The following SGCZ variants were observed in gnomAD, a reference collection of about 807,000 sequenced individuals.
SGCZ encodes the protein sarcoglycan zeta.
SGCZ carries 40 observed loss-of-function variants against 41.3 expected under a neutral mutation model. That is an observed-to-expected ratio of 0.97 (90% confidence interval 0.75 to 1.26). The LOEUF (loss-of-function observed/expected upper bound fraction) is 1.26, where lower values mean the gene tolerates loss of function less well. Ranked by LOEUF, SGCZ falls within the 50% of genes most tolerant of loss-of-function variation. The pLI, the probability that SGCZ is intolerant of heterozygous loss-of-function variation, is 0.00. For missense variants in SGCZ, 552 were observed against 369.8 expected (o/e 1.49, Z -4.04); for synonymous variants, 206 against 137.5 (o/e 1.50, Z -3.49).
chr8:14,404,603 T>G (rs1799161697), intron 2 of SGCZ, among the ~76,000 whole-genome samples: 1 of 152,192 alleles, frequency 6.6e-6, no homozygotes, highest in African/African-American at 2.4e-5. Flanking sequence ...TCTACCTGAT[T>G]GGGTGACACT....
intron 1 of SGCZ, among the ~76,000 whole-genome samples, chr8:14,778,795 A>G (rs1206824549): frequency 6.6e-6 from 1 of 152,214 alleles, no homozygotes; most frequent in Non-Finnish European, 1.5e-5. Flanking sequence ...TGCACATTTG[A>G]TTGGGATAAA....
chr8:14,844,427 A>G (rs1803032153), intron 1 of SGCZ, among the ~76,000 whole-genome samples: 1 of 152,170 alleles, frequency 6.6e-6, no homozygotes, highest in South Asian at 2.1e-4. Context: ...TTGTGTTACA[A>G]CTATGATTTC....
At chr8:14,246,435 G>A (rs1254191814) in intron 3 of SGCZ, among the ~76,000 whole-genome samples, 5 of 151,810 alleles carry the variant, frequency 3.3e-5, no homozygotes, top group Non-Finnish European at 7.4e-5. Context: ...ATGACACTCT[G>A]GGGACTGTTG....
chr8:14,730,606 T>C (rs1019772170), intron 1 of SGCZ, among the ~76,000 whole-genome samples: 2 of 151,818 alleles, frequency 1.3e-5, no homozygotes, highest in Admixed American at 1.3e-4. Context: ...TAACATCAGG[T>C]TCTGCTTGAA....
intron 1 of SGCZ, among the ~76,000 whole-genome samples, chr8:14,852,054 T>C (rs1484596903): frequency 3.9e-5 from 6 of 152,176 alleles, no homozygotes; most frequent in African/African-American, 9.6e-5. Flanking sequence ...AAAGATTCCA[T>C]TGTTTTCATT....
chr8:14,104,287 A>C (rs13276095), intron 6 of SGCZ, among the ~76,000 whole-genome samples: 1,702 of 152,274 alleles, frequency 0.011, 16 homozygotes, highest in Middle Eastern at 0.031. Flanking sequence ...ACTGGCTTTC[A>C]CAGTGGGTAC....
intron 1 of SGCZ, among the ~76,000 whole-genome samples, chr8:14,755,266 G>A (rs1052449826): frequency 4.6e-5 from 7 of 151,634 alleles, no homozygotes; most frequent in African/African-American, 1.7e-4. Context: ...CTGTTTGTTT[G>A]CGGCTGTAGT....
intron 2 of SGCZ, among the ~76,000 whole-genome samples, chr8:14,346,812 T>A (rs1197065165): frequency 6.6e-6 from 1 of 152,154 alleles, no homozygotes; most frequent in East Asian, 1.9e-4. Flanking sequence ...GATACATAAA[T>A]ATTTGTGTGC....
At chr8:15,159,722 CTCGCCCCCGCCCCCCCCA>C (rs1799447822) in intron 1 of SGCZ, among the ~76,000 whole-genome samples, 1 of 28,726 alleles carries the variant, frequency 3.5e-5, no homozygotes, top group South Asian at 2.3e-3. Flanking sequence ...TCCCCCCTCC[CTCGCCCCCGCCCCCCCCA>C]CCCTCCCCCC....
intron 1 of SGCZ, among the ~76,000 whole-genome samples, chr8:15,062,693 G>A (rs1804981508): frequency 6.6e-6 from 1 of 152,108 alleles, no homozygotes. Context: ...AGATAAAGCA[G>A]TTATTTTGAG....
intron 1 of SGCZ, among the ~76,000 whole-genome samples, chr8:14,910,450 T>C (rs1799250433): frequency 6.6e-6 from 1 of 151,920 alleles, no homozygotes; most frequent in Non-Finnish European, 1.5e-5. Context: ...CTTACTAAAT[T>C]TATTAAATCT....
At chr8:14,988,233 A>C (rs1239400166) in intron 1 of SGCZ, among the ~76,000 whole-genome samples, 1 of 149,738 alleles carries the variant, frequency 6.7e-6, no homozygotes, top group Non-Finnish European at 1.5e-5. Flanking sequence ...AATCATATCC[A>C]ATATAAAGGT....
intron 1 of SGCZ, among the ~76,000 whole-genome samples, chr8:14,717,109 T>C (rs1283601240): frequency 6.6e-6 from 1 of 152,090 alleles, no homozygotes; most frequent in Non-Finnish European, 1.5e-5. Flanking sequence ...TGAAATTCAA[T>C]AGTGTAAAAA....
At chr8:14,473,885 C>T (rs1801282769) in intron 2 of SGCZ, among the ~76,000 whole-genome samples, 1 of 150,954 alleles carries the variant, frequency 6.6e-6, no homozygotes, top group African/African-American at 2.4e-5. Context: ...TTGCAGTGAG[C>T]CAAGATCACA....
rs534719766 is a variant in SGCZ, at chr8:14,123,621, T to TAACA, written c.548-15390_548-15387dup. 1.8e-3 allele frequency among the ~76,000 whole-genome samples: 276 copies of TAACA among 152,266 alleles called. 1 individual carries two copies. The highest frequency in any genetic ancestry group is 6.4e-3 in the African/African-American group (264 of 41,572). ...TCTCTGTAGCAATGCAAAAACAGAC[T>TAACA]AACATAGTAGGAAACTATTGCTTCT... On this transcript the variant is annotated intron_variant, in intron 5 of 7. Transcript: ENST00000382080.
At chr8:14,094,359 C>A (rs1286358581) in intron 7 of SGCZ, among the ~76,000 whole-genome samples, 1 of 151,898 alleles carries the variant, frequency 6.6e-6, no homozygotes, top group Non-Finnish European at 1.5e-5. Flanking sequence ...TCTCATTGTT[C>A]AACTCCCAAT....
At chr8:14,566,033 A>T (rs185270175) in intron 1 of SGCZ, among the ~76,000 whole-genome samples, 1 of 152,214 alleles carries the variant, frequency 6.6e-6, no homozygotes, top group South Asian at 2.1e-4. Context: ...GCTTTGGGTT[A>T]TCTCACTTAT....
chr8:14,623,498 C>T (rs1456008048), intron 1 of SGCZ, among the ~76,000 whole-genome samples: 3 of 152,032 alleles, frequency 2.0e-5, no homozygotes, highest in Non-Finnish European at 4.4e-5. Flanking sequence ...TAATATATCC[C>T]GTGAAAAGGA....
chr8:14,444,260 C>A (rs1189749046), intron 2 of SGCZ, among the ~76,000 whole-genome samples: 2 of 152,250 alleles, frequency 1.3e-5, no homozygotes, highest in East Asian at 3.9e-4. Flanking sequence ...GTGGCGATTC[C>A]TCAGGGATCT....
Sources: allele counts gnomAD v4.1 joint callset (sites outside exome capture counted in the v4.1 genomes callset), GRCh38; gene constraint gnomAD v4.1.1; transcripts MANE v1.5; gene names NCBI Gene and HGNC (gene_info 2026-07-23, HGNC 2026-07-21).